TDRD7: variants seen among roughly 807,000 people sequenced by gnomAD.
The protein encoded by TDRD7 is tudor domain-containing protein 7.
Under a neutral mutation model 109.8 loss-of-function variants are expected in TDRD7, and 47 were observed. That is an observed-to-expected ratio of 0.43 (90% CI 0.34 to 0.55). The LOEUF (loss-of-function observed/expected upper bound fraction) is 0.55, where lower values mean the gene tolerates loss of function less well. Among genes scored for constraint, TDRD7 ranks in the 20% least tolerant of loss-of-function variants. The probability of loss-of-function intolerance (pLI) is 0.03; values close to 1 mark genes in which losing one functional copy is unlikely to be tolerated. For synonymous variants in TDRD7, 424 were observed against 457.3 expected, an observed-to-expected ratio of 0.93 and a Z score of 0.93; for missense variants, 1,164 against 1,319.2, an observed-to-expected ratio of 0.88 and a Z score of 1.82.
At chr9:97,480,183 CCT>C (rs1829091874) in intron 13 of TDRD7, among the ~76,000 whole-genome samples, 1 of 152,132 alleles carries the variant, frequency 6.6e-6, no homozygotes, top group Non-Finnish European at 1.5e-5. Context: ...GAAGGAAATC[CCT>C]GAGTTCACTT....
intron 1 of TDRD7, among the ~76,000 whole-genome samples, chr9:97,425,824 G>A (rs7863717): frequency 0.53 from 80,770 of 152,048 alleles, 21,725 homozygotes; most frequent in African/African-American, 0.61. Flanking sequence ...TTGTTAGGCA[G>A]TTTCATTGCT....
At chr9:97,470,837 AATGTT>A (rs1564209943) in intron 9 of TDRD7, among the ~76,000 whole-genome samples, 168 bp downstream of exon 9, 1 of 152,210 alleles carries the variant, frequency 6.6e-6, no homozygotes. Context: ...CCATTATAAA[AATGTT>A]ATGTTTTTAT....
intron 6 of TDRD7, among the ~76,000 whole-genome samples, chr9:97,450,336 C>G (rs1428920891): frequency 6.6e-6 from 1 of 152,190 alleles, no homozygotes; most frequent in African/African-American, 2.4e-5. Flanking sequence ...AGTCTTCTCC[C>G]ACAGTAGAGG....
intron 16 of TDRD7, among the ~76,000 whole-genome samples, chr9:97,494,726 C>CCA (rs1564219987): frequency 7.2e-6 from 1 of 138,910 alleles, no homozygotes; most frequent in African/African-American, 2.6e-5. Flanking sequence ...TTTTTTTTTT[C>CCA]GAGAGGGTCT....
At chr9:97,457,380 A>G (rs953025963) in intron 6 of TDRD7, among the ~76,000 whole-genome samples, 3 of 151,832 alleles carry the variant, frequency 2.0e-5, no homozygotes, top group Non-Finnish European at 2.9e-5. Context: ...ACACAAATAT[A>G]TATATATTTT....
intron 4 of TDRD7, among the ~76,000 whole-genome samples, chr9:97,435,558 C>T (rs1331266579): frequency 6.6e-6 from 1 of 151,430 alleles, no homozygotes; most frequent in Non-Finnish European, 1.5e-5. Flanking sequence ...ATCACTTGAG[C>T]CTGAGAGTTC....
At chr9:97,483,680 A>G (rs1829162852) in intron 15 of TDRD7, among the ~76,000 whole-genome samples, 1 of 151,938 alleles carries the variant, frequency 6.6e-6, no homozygotes, top group African/African-American at 2.4e-5. Flanking sequence ...TAAAAATATT[A>G]TGGAAAAATT....
intron 1 of TDRD7, among the ~76,000 whole-genome samples, chr9:97,414,219 T>G (rs775667193): frequency 1.3e-5 from 2 of 152,240 alleles, no homozygotes; most frequent in Non-Finnish European, 2.9e-5. Context: ...ATTATTTCCC[T>G]GTAAGCCAAA....
intron 12 of TDRD7, 55 bp from the exon 13 acceptor site, chr9:97,478,384 G>A: frequency 6.2e-7 from 1 of 1,604,378 alleles, no homozygotes; most frequent in Non-Finnish European, 8.5e-7. Context: ...TTGCACAGAA[G>A]CATTTTGGTC....
chr9:97,489,887 A>G (rs1829271927), intron 16 of TDRD7, among the ~76,000 whole-genome samples: 1 of 152,120 alleles, frequency 6.6e-6, no homozygotes, highest in African/African-American at 2.4e-5. Context: ...ATCCATGTCT[A>G]CTTTCATGTG....
chr9:97,449,696 T>C (rs1296711812), intron 6 of TDRD7, among the ~76,000 whole-genome samples: 1 of 152,196 alleles, frequency 6.6e-6, no homozygotes, highest in Non-Finnish European at 1.5e-5. Flanking sequence ...GGTGATCAGC[T>C]TGACCTTCAG....
intron 6 of TDRD7, among the ~76,000 whole-genome samples, chr9:97,450,192 T>C (rs1309658507): frequency 6.6e-6 from 1 of 152,118 alleles, no homozygotes; most frequent in African/African-American, 2.4e-5. Context: ...ACATGGTACG[T>C]GAAGTTACAA....
Position 97,412,629 on chromosome 9 carries a change from G to GGCCGCA in TDRD7, c.-7+397_-7+402dup, listed in dbSNP as rs1485536949. ...AGTGGTTCCCGCTACCGGCGCGACA[G>GGCCGCA]GCCGCAGCCGCCGCCCCCAGCGAGG... On this transcript the variant is annotated intron_variant, in intron 1 of 16. Transcript: ENST00000355295. This position sits in a 1 kb window ranked among gnomAD's most constrained non-coding sequence, Gnocchi z 4.3. 2.0e-5 allele frequency among the ~76,000 whole-genome samples: 3 copies of GGCCGCA among 152,242 alleles called. No homozygotes were observed. Among genetic ancestry groups the GGCCGCA allele is most frequent in the Non-Finnish European group, 4.4e-5 (3 of 68,030 alleles).
chr9:97,491,450 C>G (rs1829307260), intron 16 of TDRD7, among the ~76,000 whole-genome samples: 1 of 152,150 alleles, frequency 6.6e-6, no homozygotes, highest in Non-Finnish European at 1.5e-5. Flanking sequence ...TTCCATATCA[C>G]TTGTAGTTCT....
chr9:97,442,294 AT>A, intron 6 of TDRD7, among the ~76,000 whole-genome samples: 1 of 152,142 alleles, frequency 6.6e-6, no homozygotes, highest in Non-Finnish European at 1.5e-5. Flanking sequence ...AGCTGAGCAA[AT>A]TTTAGTTATT....
At chr9:97,443,327 G>T (rs1422579655) in intron 6 of TDRD7, among the ~76,000 whole-genome samples, 1 of 152,210 alleles carries the variant, frequency 6.6e-6, no homozygotes, top group Non-Finnish European at 1.5e-5. Context: ...ACAAATGTTA[G>T]AATATACAGT....
At chr9:97,427,176 G>C (rs1421035590) in intron 1 of TDRD7, among the ~76,000 whole-genome samples, 1 of 151,672 alleles carries the variant, frequency 6.6e-6, no homozygotes, top group Non-Finnish European at 1.5e-5. Context: ...TTTTTTCCAG[G>C]CTACTTATTC....
chr9:97,412,819 G>C lies in TDRD7; in HGVS notation c.-7+581G>C, dbSNP rs912377238. 1.3e-5 allele frequency among the ~76,000 whole-genome samples: 2 copies of C among 152,192 alleles called. No homozygotes were observed. Among genetic ancestry groups the C allele is most frequent in the Admixed American group, 6.5e-5 (1 of 15,288 alleles). On this transcript the variant is annotated intron_variant, in intron 1 of 16. Coordinates refer to ENST00000355295, the MANE Select transcript of TDRD7 (RefSeq NM_014290.3). This position sits in a 1 kb window ranked among gnomAD's most constrained non-coding sequence, Gnocchi z 4.3. Reference sequence around the variant, plus strand: ...GCACCCAGTGGGTACAGAGCACCCAGCTGGGAGGGAAACATGGATCCGTGA... The same window carrying C: ...GCACCCAGTGGGTACAGAGCACCCACCTGGGAGGGAAACATGGATCCGTGA...
rs754747700 is a variant in TDRD7 at position 97,483,170 on chromosome 9, G to A, written c.2734G>A (p.Glu912Lys). 2 of 1,614,162 alleles carry A rather than the reference G, an allele frequency of 1.2e-6. No individual in the cohort carries two copies. The highest frequency in any genetic ancestry group is 1.7e-6 in the Non-Finnish European group (2 of 1,180,026). The part of the protein sequence containing the change: ...PPPVHLSKPG[E>K]HMDVYVPVAC... ...TCCTGTCCACTTATCAAAGCCAGGGGAACACATGGATGTGTATGTGCCTGT... is the reference window on the plus strand; with the variant it reads ...TCCTGTCCACTTATCAAAGCCAGGGAAACACATGGATGTGTATGTGCCTGT... Residue 912 changes from glutamate (E) to lysine (K), a missense_variant, in exon 15 of 17, where the codon GAA becomes AAA. Around this residue, in one of 5 missense-constraint regions of TDRD7, gnomAD observed 233 missense variants for 218.0 expected, o/e 1.07. Coordinates refer to ENST00000355295, the MANE Select transcript of TDRD7 (RefSeq NM_014290.3).
Sources: gnomAD v4.1 joint callset for allele counts (sites outside exome capture counted in the v4.1 genomes callset) on GRCh38, gnomAD v4.1.1 for gene constraint, gnomAD v4.1.1 regional missense constraint, Gnocchi (gnomAD v3.1) non-coding constraint, MANE v1.5 for transcripts, NCBI Gene and HGNC (gene_info 2026-07-23, HGNC 2026-07-21) for gene names.